GRIK2: variants seen among roughly 807,000 people sequenced by gnomAD.
GRIK2 encodes glutamate ionotropic receptor kainate type subunit 2.
In GRIK2, 32 loss-of-function variants were observed where a neutral mutation model predicts 100.3. The observed-to-expected ratio is 0.32, with a 90% CI of 0.24 to 0.43. The LOEUF (loss-of-function observed/expected upper bound fraction) is 0.43, where lower values mean the gene tolerates loss of function less well. Ranked by LOEUF, GRIK2 falls within the 20% of genes least tolerant of loss-of-function variation. The probability of loss-of-function intolerance (pLI) is 1.00; values close to 1 mark genes in which losing one functional copy is unlikely to be tolerated. For synonymous variants in GRIK2, 417 were observed against 389.4 expected (o/e 1.07, Z -0.83); for missense variants, 843 against 1,114.9 (o/e 0.76, Z 3.47).
chr6:101,891,614 A>G (rs1953966), intron 12 of GRIK2: 6,633 of 397,448 alleles, frequency 0.017, 397 homozygotes, highest in African/African-American at 0.13. Flanking sequence ...CAAATGCATT[A>G]TTTTTACCTA....
intron 2 of GRIK2, among the ~76,000 whole-genome samples, chr6:101,570,694 T>C (rs775385664): frequency 3.9e-5 from 6 of 152,182 alleles, no homozygotes; most frequent in Non-Finnish European, 8.8e-5. Flanking sequence ...CTGACTTGAA[T>C]GCCAACACTT....
At chr6:102,041,687 G>T (rs920352735) in intron 15 of GRIK2, among the ~76,000 whole-genome samples, 2 of 151,392 alleles carry the variant, frequency 1.3e-5, no homozygotes, top group African/African-American at 4.8e-5. Context: ...CACATAATTG[G>T]ATTGTGATAA....
At chr6:102,063,912 A>C (rs1186970442) in intron 16 of GRIK2, 5 of 777,582 alleles carry the variant, frequency 6.4e-6, no homozygotes, top group South Asian at 6.2e-5. Context: ...TACTAATTTA[A>C]ATGCAATTAT....
chr6:101,685,913 A>T (rs139104680), intron 6 of GRIK2, among the ~76,000 whole-genome samples: 2 of 152,180 alleles, frequency 1.3e-5, no homozygotes, highest in Non-Finnish European at 2.9e-5. Context: ...TGCAAATCTT[A>T]GATGTGAGTT....
intron 1 of GRIK2, among the ~76,000 whole-genome samples, chr6:101,396,250 C>G (rs529534714): frequency 3.3e-4 from 50 of 150,298 alleles, no homozygotes; most frequent in African/African-American, 1.1e-3. Context: ...ATTCCCCCCC[C>G]CCCCAGGAAG....
chr6:101,584,946 A>G, intron 2 of GRIK2, among the ~76,000 whole-genome samples: 2 of 152,046 alleles, frequency 1.3e-5, no homozygotes, highest in East Asian at 3.9e-4. Context: ...CAGTAAGTGG[A>G]GATGTAACTA....
At chr6:101,441,407 T>C (rs1770044589) in intron 2 of GRIK2, among the ~76,000 whole-genome samples, 1 of 152,180 alleles carries the variant, frequency 6.6e-6, no homozygotes, top group South Asian at 2.1e-4. Flanking sequence ...TTCCAATTTT[T>C]CTAGAAGATC....
At chr6:101,494,082 T>A (rs1773301086) in intron 2 of GRIK2, among the ~76,000 whole-genome samples, 1 of 148,504 alleles carries the variant, frequency 6.7e-6, no homozygotes, top group African/African-American at 2.4e-5. Context: ...AATTTATAAA[T>A]GTTATTTATA....
intron 7 of GRIK2, among the ~76,000 whole-genome samples, chr6:101,776,325 G>A (rs1778744143): frequency 6.6e-6 from 1 of 152,130 alleles, no homozygotes; most frequent in Non-Finnish European, 1.5e-5. Flanking sequence ...TCATACAATA[G>A]TTTGTTAAGC....
chr6:101,440,890 GTT>G (rs71547429), intron 2 of GRIK2, among the ~76,000 whole-genome samples: 61 of 139,758 alleles, frequency 4.4e-4, no homozygotes, highest in African/African-American at 1.1e-3. Context: ...ATGCTTTTTT[GTT>G]TTTTTTTTTT....
chr6:101,457,789 T>G (rs879130042), intron 2 of GRIK2, among the ~76,000 whole-genome samples: 2 of 152,150 alleles, frequency 1.3e-5, no homozygotes, highest in East Asian at 3.9e-4. Flanking sequence ...AAATTACAAG[T>G]AGCCATGCTT....
intron 11 of GRIK2, among the ~76,000 whole-genome samples, chr6:101,872,175 C>T (rs1785469497): frequency 6.6e-6 from 1 of 151,870 alleles, no homozygotes; most frequent in African/African-American, 2.4e-5. Flanking sequence ...TATCCAATTT[C>T]TTATTCATGG....
chr6:101,668,406 T>G (rs962790230), intron 4 of GRIK2, among the ~76,000 whole-genome samples: 4 of 152,178 alleles, frequency 2.6e-5, no homozygotes, highest in African/African-American at 9.7e-5. Flanking sequence ...AGCTCTCTTC[T>G]CTATTTTTAC....
At chr6:102,006,306 G>A (rs1032214932) in intron 14 of GRIK2, among the ~76,000 whole-genome samples, 12 of 141,848 alleles carry the variant, frequency 8.5e-5, no homozygotes, top group Non-Finnish European at 1.6e-4. Flanking sequence ...TTATTTCTTG[G>A]TACAATAGTT....
chr6:102,041,194 T>C (rs1296580972), intron 15 of GRIK2, among the ~76,000 whole-genome samples: 2 of 151,636 alleles, frequency 1.3e-5, no homozygotes, highest in African/African-American at 4.8e-5. Context: ...TGAGCACCAC[T>C]GTGAACAGCC....
intron 2 of GRIK2, among the ~76,000 whole-genome samples, chr6:101,538,799 C>T (rs916363734): frequency 2.6e-5 from 4 of 151,398 alleles, no homozygotes; most frequent in Non-Finnish European, 4.4e-5. Context: ...AAATGGGTTC[C>T]GAATAAATAT....
chr6:102,030,410 T>G lies in GRIK2; in HGVS notation c.2086-4931T>G, dbSNP rs189493955. Among the ~76,000 whole-genome samples the G allele has an allele frequency of 1.6e-3, 241 of 151,162 alleles. 1 individual carries two copies. Among genetic ancestry groups the G allele is most frequent in the African/African-American group, 5.6e-3 (231 of 41,418 alleles). The stretch of plus-strand genomic sequence containing the variant: ...ATCTTCAGGGTTGTACTTTTTATTT[T>G]ATTTTTTTTTTCTTTTTGGCACTTA... On this transcript the variant is annotated intron_variant, in intron 14 of 16. Transcript: ENST00000369134.
intron 2 of GRIK2, among the ~76,000 whole-genome samples, chr6:101,456,195 A>G (rs1771002865): frequency 6.6e-6 from 1 of 151,972 alleles, no homozygotes; most frequent in African/African-American, 2.4e-5. Context: ...GGAAAACTTC[A>G]CTAACATTAT....
At chr6:101,626,333 C>T in intron 3 of GRIK2, 47 bp from the exon 4 acceptor site, 1 of 1,538,708 alleles carries the variant, frequency 6.5e-7, no homozygotes, top group Non-Finnish European at 8.8e-7. Flanking sequence ...TGTTGGCACA[C>T]TGGCACCTCT....
Sources: gnomAD v4.1 joint callset for allele counts (sites outside exome capture counted in the v4.1 genomes callset) on GRCh38, gnomAD v4.1.1 for gene constraint, MANE v1.5 for transcripts, NCBI Gene and HGNC (gene_info 2026-07-23, HGNC 2026-07-21) for gene names.